Variants in HS3ST4 observed in about 807,000 individuals in gnomAD.
HS3ST4 encodes heparan sulfate-glucosamine 3-sulfotransferase 4.
In HS3ST4, 17 loss-of-function variants were observed where a neutral mutation model predicts 29.2. That is an observed-to-expected ratio of 0.58 (90% CI 0.40 to 0.87). HS3ST4 has a LOEUF of 0.87. Among genes scored for constraint, HS3ST4 ranks in the 40% least tolerant of loss-of-function variants. The pLI is 0.00. For missense variants in HS3ST4, 627 were observed against 634.5 expected (o/e 0.99, Z 0.13); for synonymous variants, 314 against 285.7 (o/e 1.10, Z -1.00).
At chr16:25,721,407 T>C (rs571124017) in intron 1 of HS3ST4, among the ~76,000 whole-genome samples, 1 of 152,304 alleles carries the variant, frequency 6.6e-6, no homozygotes, top group East Asian at 1.9e-4. Flanking sequence ...ATTTTTTTCC[T>C]TTTCATTTTT....
At chr16:26,129,034 C>G (rs1482165422) in intron 1 of HS3ST4, among the ~76,000 whole-genome samples, 3 of 152,326 alleles carry the variant, frequency 2.0e-5, no homozygotes, top group East Asian at 1.9e-4. Flanking sequence ...AAGGCAAGCT[C>G]CACTCCTGAC....
At chr16:25,946,573 A>T (rs1161141035) in intron 1 of HS3ST4, among the ~76,000 whole-genome samples, 1 of 152,234 alleles carries the variant, frequency 6.6e-6, no homozygotes, top group Non-Finnish European at 1.5e-5. Flanking sequence ...AATGCTGTGG[A>T]TACAAAGACA....
intron 1 of HS3ST4, among the ~76,000 whole-genome samples, chr16:25,822,121 C>T (rs1967163508): frequency 1.3e-5 from 2 of 152,072 alleles, no homozygotes; most frequent in African/African-American, 2.4e-5. Flanking sequence ...GGAAGTCCAG[C>T]GTCTTAGTTC....
chr16:26,130,879 G>A (rs986332085), intron 1 of HS3ST4, among the ~76,000 whole-genome samples: 4 of 152,166 alleles, frequency 2.6e-5, no homozygotes, highest in Admixed American at 6.5e-5. Context: ...AGCCTCCTGT[G>A]TCAACATGAT....
chr16:25,960,703 T>C (rs1968785959), intron 1 of HS3ST4, among the ~76,000 whole-genome samples: 1 of 152,234 alleles, frequency 6.6e-6, no homozygotes, highest in African/African-American at 2.4e-5. Flanking sequence ...TTCCAGATCT[T>C]GCAATAGAGA....
At chr16:26,010,785 T>C (rs533107770) in intron 1 of HS3ST4, among the ~76,000 whole-genome samples, 213 of 152,330 alleles carry the variant, frequency 1.4e-3, no homozygotes, top group Non-Finnish European at 2.7e-3. Context: ...CAATTGAGCA[T>C]TGAAGAATAA....
At chr16:25,955,690 A>G (rs1179119408) in intron 1 of HS3ST4, among the ~76,000 whole-genome samples, 2 of 152,112 alleles carry the variant, frequency 1.3e-5, no homozygotes, top group African/African-American at 4.8e-5. Context: ...ACAAGCATTT[A>G]TAGGAGTGGT....
At chr16:26,085,200 C>T (rs1054309320) in intron 1 of HS3ST4, among the ~76,000 whole-genome samples, 2 of 152,158 alleles carry the variant, frequency 1.3e-5, no homozygotes, top group African/African-American at 4.8e-5. Context: ...TCTGATGCTT[C>T]CTAGCAACTC....
intron 1 of HS3ST4, among the ~76,000 whole-genome samples, chr16:25,906,043 T>C (rs961849079): frequency 5.9e-5 from 9 of 152,244 alleles, no homozygotes; most frequent in African/African-American, 2.2e-4. Context: ...GTGGCGACTG[T>C]AAAGGTCTTT....
intron 1 of HS3ST4, among the ~76,000 whole-genome samples, chr16:26,009,875 C>T (rs1969294805): frequency 1.3e-5 from 2 of 152,202 alleles, no homozygotes; most frequent in African/African-American, 2.4e-5. Flanking sequence ...ACTGTCTCAA[C>T]TCTAAGACCT....
chr16:26,092,965 G>A lies in HS3ST4; in HGVS notation c.735-42647G>A, dbSNP rs550501850. ...CCGTGCCTGACTCGGTGGGTCCTTC[G>A]CCCACAGAGCCTTGCTCACTGCTAG... On this transcript the variant is annotated intron_variant, in intron 1 of 1. Transcript: ENST00000331351. 2.2e-4 allele frequency among the ~76,000 whole-genome samples: 34 copies of A among 152,192 alleles called. No individual in the cohort carries two copies. In the South Asian group the frequency reaches 3.7e-3, roughly 17 times the overall value.
rs1567256994 is a variant in HS3ST4, at chr16:25,857,897, TTTCTTCCTTCCTTCCTTCCTTC to T, written c.734+164747_734+164768del. On this transcript the variant is annotated intron_variant, in intron 1 of 1. Coordinates refer to ENST00000331351, the MANE Select transcript of HS3ST4 (RefSeq NM_006040.3). ...CTTTCTCTTTCTTTCTTTCTTTTTCTTTCTTCCTTCCTTCCTTCCTTCCTTTCTTTCTTTCTTTCTTTCTTTC... is the reference window on the plus strand; with the variant it reads ...CTTTCTCTTTCTTTCTTTCTTTTTCTCTTTCTTTCTTTCTTTCTTTCTTTC... Among the ~76,000 whole-genome samples the T allele has an allele frequency of 4.1e-3, 205 of 49,636 alleles. 3 individuals carry two copies. In the South Asian group the frequency reaches 0.077, roughly 19 times the overall value. 32.6% of individuals were successfully genotyped at this position (49,636 alleles called of 152,430 possible).
intron 1 of HS3ST4, among the ~76,000 whole-genome samples, chr16:25,915,081 C>T (rs1968279067): frequency 6.6e-6 from 1 of 152,114 alleles, no homozygotes; most frequent in African/African-American, 2.4e-5. Flanking sequence ...CCCTGATCGC[C>T]AGTCGTGACA....
At chr16:26,113,229 A>G (rs886625442) in intron 1 of HS3ST4, among the ~76,000 whole-genome samples, 1 of 152,080 alleles carries the variant, frequency 6.6e-6, no homozygotes, top group African/African-American at 2.4e-5. Context: ...GAGAAATACA[A>G]CATATAGGAG....
chr16:25,854,844 G>A (rs1469300806), intron 1 of HS3ST4, among the ~76,000 whole-genome samples: 2 of 151,972 alleles, frequency 1.3e-5, no homozygotes, highest in Non-Finnish European at 2.9e-5. Flanking sequence ...TTTATTCTGA[G>A]CCAATATGAG....
chr16:25,960,107 G>A (rs1368679000), intron 1 of HS3ST4, among the ~76,000 whole-genome samples: 3 of 152,114 alleles, frequency 2.0e-5, no homozygotes, highest in Non-Finnish European at 2.9e-5. Flanking sequence ...TTGCACTCCA[G>A]CCTGGGCAAC....
At chr16:25,734,231 T>C (rs1966591197) in intron 1 of HS3ST4, among the ~76,000 whole-genome samples, 1 of 152,244 alleles carries the variant, frequency 6.6e-6, no homozygotes, top group South Asian at 2.1e-4. Flanking sequence ...CATCCATTTT[T>C]CAAGAAAAGC....
intron 1 of HS3ST4, among the ~76,000 whole-genome samples, chr16:25,718,174 A>G (rs1225775171): frequency 2.6e-5 from 4 of 152,272 alleles, no homozygotes; most frequent in African/African-American, 9.6e-5. Flanking sequence ...AGCACACCCT[A>G]TACCCACTTC....
chr16:25,771,353 G>C (rs1482416612), intron 1 of HS3ST4, among the ~76,000 whole-genome samples: 2 of 152,134 alleles, frequency 1.3e-5, no homozygotes, highest in Non-Finnish European at 1.5e-5. Context: ...TGGCCACCAT[G>C]TTGCAAGTTC....
Sources: gnomAD v4.1 joint callset for allele counts (sites outside exome capture counted in the v4.1 genomes callset) on GRCh38, gnomAD v4.1.1 for gene constraint, MANE v1.5 for transcripts, NCBI Gene and HGNC (gene_info 2026-07-23, HGNC 2026-07-21) for gene names.